Variants in CRACD observed in about 807,000 individuals in gnomAD.
CRACD encodes capping protein-inhibiting regulator of actin dynamics.
Under a neutral mutation model 106.8 loss-of-function variants are expected in CRACD, and 56 were observed. That is an observed-to-expected ratio of 0.52 (90% CI 0.42 to 0.66). The LOEUF is 0.66. CRACD is among the 30% of genes least tolerant of loss of function. The pLI is 0.00. For missense variants in CRACD, 1,730 were observed against 1,623.2 expected (o/e 1.07, Z -1.13); for synonymous variants, 754 against 670.8 (o/e 1.12, Z -1.92).
At chr4:56,078,193 C>T (rs1323521312) in intron 1 of CRACD, among the ~76,000 whole-genome samples, 1 of 151,486 alleles carries the variant, frequency 6.6e-6, no homozygotes, top group Non-Finnish European at 1.5e-5. Flanking sequence ...TTAAGAATTT[C>T]CTTTAATATT....
chr4:56,128,719 T>C (rs1734733255), intron 1 of CRACD, among the ~76,000 whole-genome samples: 1 of 152,058 alleles, frequency 6.6e-6, no homozygotes. Context: ...CTGGGTAAGA[T>C]AGGGAGACCC....
intron 1 of CRACD, among the ~76,000 whole-genome samples, chr4:56,094,878 T>G (rs1026374600): frequency 2.0e-5 from 3 of 152,238 alleles, no homozygotes; most frequent in Non-Finnish European, 4.4e-5. Context: ...TGATACATTG[T>G]CATCCATACA....
intron 1 of CRACD, among the ~76,000 whole-genome samples, chr4:56,061,272 AG>A (rs1732261859): frequency 6.6e-6 from 1 of 152,132 alleles, no homozygotes; most frequent in Non-Finnish European, 1.5e-5. Flanking sequence ...CGGGGCTCAA[AG>A]GATCCTCCTA....
chr4:56,092,037 G>A (rs1733439348), intron 1 of CRACD, among the ~76,000 whole-genome samples: 1 of 152,176 alleles, frequency 6.6e-6, no homozygotes, highest in Admixed American at 6.6e-5. Flanking sequence ...AAGAAAAAAA[G>A]TTTAGTGGGC....
chr4:56,254,496 T>C (rs990413205), intron 2 of CRACD, among the ~76,000 whole-genome samples: 1 of 151,872 alleles, frequency 6.6e-6, no homozygotes, highest in Non-Finnish European at 1.5e-5. Flanking sequence ...TCCTCAACCA[T>C]GTGAACACTA....
rs1269405328 is a variant in CRACD at position 56,330,013 on chromosome 4, A to G, written c.*2209A>G. Reference sequence around the variant, plus strand: ...ACAATACTTACTTCTAACAGCTTCTAAAGGGTACATGTTTAACATTTCATT... The same window carrying G: ...ACAATACTTACTTCTAACAGCTTCTGAAGGGTACATGTTTAACATTTCATT... On this transcript the variant is annotated 3_prime_UTR_variant, in exon 11 of 11. Coordinates refer to ENST00000682029, the MANE Select transcript of CRACD (RefSeq NM_001393381.1). 1.3e-5 allele frequency among the ~76,000 whole-genome samples: 2 copies of G among 152,184 alleles called. No individual in the cohort carries two copies. The highest frequency in any genetic ancestry group is 2.4e-5 in the African/African-American group (1 of 41,444).
intron 6 of CRACD, chr4:56,311,132 T>C (rs2109758197): frequency 5.8e-6 from 1 of 173,486 alleles, no homozygotes; most frequent in South Asian, 1.3e-4. Flanking sequence ...AAAAGCACTT[T>C]AGCATTTCTC....
At chr4:56,214,681 C>CTCTCTCTCTATATATATA in intron 2 of CRACD, among the ~76,000 whole-genome samples, 3 of 80,994 alleles carry the variant, frequency 3.7e-5, no homozygotes, top group African/African-American at 8.5e-5. Flanking sequence ...CTCTCTCTCT[C>CTCTCTCTCTATATATATA]TATATATATA....
intron 1 of CRACD, among the ~76,000 whole-genome samples, chr4:56,131,349 G>A (rs913023917): frequency 1.1e-4 from 17 of 152,288 alleles, no homozygotes; most frequent in African/African-American, 3.4e-4. Context: ...CATTACAGAC[G>A]ATTAAGAGAT....
At chr4:56,049,762 GC>G (rs1731807519) in intron 1 of CRACD, 1 of 152,226 alleles carries the variant, frequency 6.6e-6, no homozygotes, top group East Asian at 1.9e-4. Flanking sequence ...TTTAACCTCT[GC>G]CAGACCGTTT....
At chr4:56,078,691 C>T (rs1732922604) in intron 1 of CRACD, among the ~76,000 whole-genome samples, 1 of 152,202 alleles carries the variant, frequency 6.6e-6, no homozygotes, top group African/African-American at 2.4e-5. Flanking sequence ...GCTAGAAGTA[C>T]AGGTGTAAGC....
intron 1 of CRACD, among the ~76,000 whole-genome samples, chr4:56,162,962 G>A (rs1736009256): frequency 6.6e-6 from 1 of 152,200 alleles, no homozygotes; most frequent in East Asian, 1.9e-4. Context: ...AGGAAAAGCA[G>A]TGTAGACATT....
In CRACD at chr4:56,314,814, C is replaced by G. The variant is rs758097140; in HGVS notation, c.1312C>G (p.Pro438Ala). The G allele has an allele frequency of 1.9e-6, 3 of 1,608,252 alleles. No homozygotes were observed. Among genetic ancestry groups the G allele is most frequent in the South Asian group, 2.2e-5 (2 of 89,378 alleles). ...ERLEDQERLK[P>A]EGQREHSEEP... ...GCTCGAAGACCAGGAACGCCTGAAACCCGAAGGACAAAGAGAACACTCCGA... is the reference window on the plus strand; with the variant it reads ...GCTCGAAGACCAGGAACGCCTGAAAGCCGAAGGACAAAGAGAACACTCCGA... The change falls in exon 8 of 11, where the codon CCC becomes GCC. Residue 438 changes from proline (P) to alanine (A), a missense_variant. This residue lies in a region of CRACD where 1,620 missense variants were observed against 1,481.6 expected (regional missense o/e 1.09). Transcript: ENST00000682029. The surrounding 1 kb of genome is among the most constrained non-coding windows in gnomAD (Gnocchi z 4.4).
chr4:56,103,904 G>A (rs2109833880), intron 1 of CRACD, among the ~76,000 whole-genome samples: 1 of 152,176 alleles, frequency 6.6e-6, no homozygotes, highest in Middle Eastern at 3.4e-3. Flanking sequence ...CCTTCCAAGT[G>A]TCTGGGATTA....
chr4:56,075,535 C>T (rs374905149), intron 1 of CRACD, among the ~76,000 whole-genome samples: 1 of 151,994 alleles, frequency 6.6e-6, no homozygotes, highest in African/African-American at 2.4e-5. Context: ...GTGGTAATAT[C>T]CCCTTCATCA....
chr4:56,095,811 GA>G, intron 1 of CRACD, among the ~76,000 whole-genome samples: 1 of 152,320 alleles, frequency 6.6e-6, no homozygotes, highest in East Asian at 1.9e-4. Context: ...GTGGGGTGGG[GA>G]GACCAGGTAG....
chr4:56,291,465 A>G (rs563566050), intron 3 of CRACD, among the ~76,000 whole-genome samples: 1 of 152,272 alleles, frequency 6.6e-6, no homozygotes, highest in Non-Finnish European at 1.5e-5. Context: ...CTCCACGCAA[A>G]GGCTATTCAG....
intron 1 of CRACD, among the ~76,000 whole-genome samples, chr4:56,079,237 G>A (rs955390040): frequency 6.6e-6 from 1 of 151,968 alleles, no homozygotes; most frequent in Non-Finnish European, 1.5e-5. Context: ...TCATTTCACT[G>A]TGTATACCAA....
At chr4:56,205,719 C>G (rs1190960198) in intron 2 of CRACD, among the ~76,000 whole-genome samples, 1 of 152,064 alleles carries the variant, frequency 6.6e-6, no homozygotes, top group Non-Finnish European at 1.5e-5. Flanking sequence ...CTCAAGTGAT[C>G]CTCTCGCTTC....
Sources: gnomAD v4.1 joint callset for allele counts (sites outside exome capture counted in the v4.1 genomes callset) on GRCh38, gnomAD v4.1.1 for gene constraint, gnomAD v4.1.1 regional missense constraint, Gnocchi (gnomAD v3.1) non-coding constraint, MANE v1.5 for transcripts, NCBI Gene and HGNC (gene_info 2026-07-23, HGNC 2026-07-21) for gene names.